Variants in PCDHA10 observed in about 807,000 individuals in gnomAD.
The protein encoded by PCDHA10 is protocadherin alpha 10.
In PCDHA10, 45 loss-of-function variants were observed where a neutral mutation model predicts 61.2. The observed-to-expected ratio is 0.74, with a 90% CI of 0.58 to 0.94. PCDHA10 has a LOEUF of 0.94. Ranked by LOEUF, PCDHA10 falls within the 40% of genes least tolerant of loss-of-function variation. The probability of loss-of-function intolerance (pLI) is 0.00; values close to 1 mark genes in which losing one functional copy is unlikely to be tolerated. For missense variants in PCDHA10, 1,278 were observed against 1,236.2 expected (o/e 1.03, Z -0.51); for synonymous variants, 602 against 548.8 (o/e 1.10, Z -1.35).
At position 140,870,817 on chromosome 5, in the gene PCDHA10, G is replaced by C. The variant is rs782095168; in HGVS notation, c.2388+12381G>C. On this transcript the variant is annotated intron_variant, in intron 1 of 3. Coordinates refer to ENST00000307360, the MANE Select transcript of PCDHA10 (RefSeq NM_018901.4). ...ACTGCTGGCGACTCAGGCTGGCAGCGCGGGAGGCGCAGTTAACAAGCTAGT... is the reference window on the plus strand; with the variant it reads ...ACTGCTGGCGACTCAGGCTGGCAGCCCGGGAGGCGCAGTTAACAAGCTAGT... The C allele has an allele frequency of 9.9e-6, 16 of 1,613,726 alleles. No individual in the cohort carries two copies. In the South Asian group the frequency reaches 1.3e-4, roughly 13 times the overall value.
intron 1 of PCDHA10, among the ~76,000 whole-genome samples, chr5:140,921,599 G>A (rs2080288942): frequency 6.6e-6 from 1 of 152,036 alleles, no homozygotes; most frequent in African/African-American, 2.4e-5. Flanking sequence ...GGTTTCAAAG[G>A]TAATAAGAAA....
intron 1 of PCDHA10, among the ~76,000 whole-genome samples, chr5:140,936,053 C>A (rs576745037): frequency 1.3e-5 from 2 of 151,934 alleles, no homozygotes; most frequent in African/African-American, 4.8e-5. Context: ...CCACCACACC[C>A]GGCTAATTTT....
chr5:140,882,927 C>A, intron 1 of PCDHA10: 1 of 1,614,104 alleles, frequency 6.2e-7, no homozygotes. Context: ...GGAGGTAAAC[C>A]CGAGCTGACT....
At chr5:140,942,916 A>G (rs2093393160) in intron 1 of PCDHA10, among the ~76,000 whole-genome samples, 1 of 152,158 alleles carries the variant, frequency 6.6e-6, no homozygotes, top group Non-Finnish European at 1.5e-5. Context: ...GCGTGAAGAA[A>G]AAAAAAATTG....
intron 1 of PCDHA10, among the ~76,000 whole-genome samples, chr5:140,897,315 T>C (rs980857290): frequency 6.8e-6 from 1 of 147,686 alleles, no homozygotes; most frequent in Non-Finnish European, 1.5e-5. Context: ...GTATATCTCC[T>C]AAAGCTATCC....
chr5:141,008,871 C>T (rs1249220900), intron 3 of PCDHA10, among the ~76,000 whole-genome samples: 2 of 152,168 alleles, frequency 1.3e-5, no homozygotes, highest in African/African-American at 4.8e-5. Context: ...TGCTGCATCC[C>T]ACCACCCTTC....
chr5:140,967,986 C>A, intron 1 of PCDHA10: 1 of 1,614,226 alleles, frequency 6.2e-7, no homozygotes, highest in Non-Finnish European at 8.5e-7. Flanking sequence ...CTGGAGGCCA[C>A]ACTGCCTTTC....
intron 1 of PCDHA10, chr5:140,884,177 C>G (rs1405519238): frequency 1.9e-6 from 3 of 1,613,322 alleles, no homozygotes; most frequent in South Asian, 1.1e-5. Flanking sequence ...GACGCGCCCT[C>G]TGGACGAGGT....
intron 3 of PCDHA10, among the ~76,000 whole-genome samples, chr5:140,985,438 C>T (rs1438547429): frequency 2.0e-5 from 3 of 152,038 alleles, no homozygotes; most frequent in Non-Finnish European, 2.9e-5. Flanking sequence ...TTAGTTGCTG[C>T]CTGAAGAAAA....
At chr5:140,944,335 G>A (rs1196825895) in intron 1 of PCDHA10, among the ~76,000 whole-genome samples, 1 of 151,986 alleles carries the variant, frequency 6.6e-6, no homozygotes, top group African/African-American at 2.4e-5. Context: ...TTACAAGCAC[G>A]TGCCACCACA....
intron 1 of PCDHA10, chr5:140,882,140 T>C (rs1010543120): frequency 7.4e-6 from 11 of 1,490,760 alleles, no homozygotes; most frequent in Admixed American, 4.6e-5. Flanking sequence ...GCAGAAAATA[T>C]AGCAGAAAGC....
intron 1 of PCDHA10, chr5:140,876,782 C>T (rs372500794): frequency 2.5e-6 from 4 of 1,614,096 alleles, no homozygotes; most frequent in African/African-American, 2.7e-5. Flanking sequence ...TCGCTGTGGG[C>T]CACGGCTAGA....
intron 1 of PCDHA10, among the ~76,000 whole-genome samples, chr5:140,891,658 C>T (rs1241439148): frequency 6.6e-6 from 1 of 151,928 alleles, no homozygotes; most frequent in Non-Finnish European, 1.5e-5. Context: ...GATAGTTCAC[C>T]CACCTTAAAG....
intron 1 of PCDHA10, chr5:140,863,472 T>C: frequency 2.0e-6 from 1 of 490,440 alleles, no homozygotes; most frequent in Non-Finnish European, 4.0e-6. Context: ...CTCTGGAGAG[T>C]CGCCTCCCAA....
rs1159995588 is a variant in PCDHA10, at chr5:140,947,341, A to G, written c.2389-31608A>G. ...GGTTGACCATAAATGTGTGGGCTTA[A>G]TTCTGGACTCTATTTCACTCCTTTG... is the stretch of plus-strand genomic sequence containing the variant. On this transcript the variant is annotated intron_variant, in intron 1 of 3. Transcript: ENST00000307360. Among the ~76,000 whole-genome samples the G allele has an allele frequency of 2.6e-5, 4 of 151,804 alleles. No individual in the cohort carries two copies. The South Asian group carries it at 6.2e-4, about 24-fold the overall frequency.
rs377069661 is a variant in PCDHA10 at position 140,915,905 on chromosome 5, G to A, written c.2388+57469G>A. ...AGCAAGTTCCCCCTGGCCCTGGGCA[G>A]GCCCAGAGATGCTACTTGGGAGTCA... On this transcript the variant is annotated intron_variant, in intron 1 of 3. Transcript: ENST00000307360. Among the ~76,000 whole-genome samples, 6 of 152,266 alleles carry A rather than the reference G, an allele frequency of 3.9e-5. No individual in the cohort carries two copies. In the East Asian group the frequency reaches 1.2e-3, roughly 29 times the overall value.
chr5:140,876,118 G>T, intron 1 of PCDHA10: 1 of 1,613,926 alleles, frequency 6.2e-7, no homozygotes, highest in South Asian at 1.1e-5. Context: ...GATGGTAATC[G>T]ATGGCGGTAA....
intron 1 of PCDHA10, among the ~76,000 whole-genome samples, chr5:140,885,665 G>A (rs2060682140): frequency 6.6e-6 from 1 of 152,114 alleles, no homozygotes; most frequent in Non-Finnish European, 1.5e-5. Flanking sequence ...CCAGTTATGA[G>A]CACTCTTTCT....
intron 1 of PCDHA10, chr5:140,871,646 A>G: frequency 7.8e-7 from 1 of 1,275,646 alleles, no homozygotes; most frequent in Non-Finnish European, 1.1e-6. Flanking sequence ...TAAAATACCA[A>G]ATGATACACA....
Sources: gnomAD v4.1 joint callset for allele counts (sites outside exome capture counted in the v4.1 genomes callset) on GRCh38, gnomAD v4.1.1 for gene constraint, MANE v1.5 for transcripts, NCBI Gene and HGNC (gene_info 2026-07-23, HGNC 2026-07-21) for gene names.